ACTN1: variants seen among roughly 807,000 people sequenced by gnomAD.
ACTN1 encodes the protein alpha-actinin-1.
A neutral mutation model predicts 119.6 loss-of-function variants in ACTN1; 30 were observed. That is an observed-to-expected ratio of 0.25 (90% confidence interval 0.19 to 0.34). The LOEUF (loss-of-function observed/expected upper bound fraction) is 0.34. Ranked by LOEUF, ACTN1 falls within the 10% of genes least tolerant of loss-of-function variation. The pLI is 1.00. For missense variants in ACTN1, 764 were observed against 1,223.4 expected, an observed-to-expected ratio of 0.62 and a Z score of 5.60; for synonymous variants, 429 against 472.6, an observed-to-expected ratio of 0.91 and a Z score of 1.20.
chr14:68,889,658 C>T (rs1169118792), intron 11 of ACTN1, among the ~76,000 whole-genome samples: 1 of 152,132 alleles, frequency 6.6e-6, no homozygotes, highest in Non-Finnish European at 1.5e-5. Context: ...GTGGCAGGCA[C>T]CTGTAGTCCC....
At chr14:68,912,405 T>C (rs1594803379) in intron 3 of ACTN1, among the ~76,000 whole-genome samples, 163 bp from the exon 4 acceptor site, 1 of 152,126 alleles carries the variant, frequency 6.6e-6, no homozygotes, top group African/African-American at 2.4e-5. Flanking sequence ...TGAGACAGGG[T>C]TTTCGCTCTG....
At chr14:68,876,940 T>G in intron 21 of ACTN1, 142 bp downstream of exon 21, 1 of 959,696 alleles carries the variant, frequency 1.0e-6, no homozygotes, top group Non-Finnish European at 1.5e-6. Context: ...CAGAAATGAG[T>G]AGAAGTGGCA....
intron 1 of ACTN1, among the ~76,000 whole-genome samples, chr14:68,953,401 A>G (rs999745071): frequency 4.6e-5 from 7 of 152,164 alleles, no homozygotes; most frequent in Non-Finnish European, 1.0e-4. Flanking sequence ...CCTCAGCACT[A>G]ATCAGCGTGC....
At chr14:68,932,974 G>A (rs796525314) in intron 1 of ACTN1, among the ~76,000 whole-genome samples, 33 of 152,090 alleles carry the variant, frequency 2.2e-4, no homozygotes, top group African/African-American at 7.7e-4. Flanking sequence ...TTTGCTACAC[G>A]CCAGATCCTC....
At chr14:68,924,210 T>C (rs1242223217) in intron 2 of ACTN1, among the ~76,000 whole-genome samples, 1 of 152,188 alleles carries the variant, frequency 6.6e-6, no homozygotes, top group East Asian at 1.9e-4. Context: ...TGCACAACAG[T>C]CAGTGCATGC....
intron 1 of ACTN1, among the ~76,000 whole-genome samples, chr14:68,969,423 A>G (rs889982461): frequency 2.6e-5 from 4 of 152,254 alleles, no homozygotes; most frequent in African/African-American, 9.6e-5. Context: ...CAAGTCTGGA[A>G]AAGCACTTTG....
intron 11 of ACTN1, among the ~76,000 whole-genome samples, chr14:68,888,998 G>A (rs936365649): frequency 8.5e-5 from 13 of 152,128 alleles, no homozygotes; most frequent in Non-Finnish European, 1.6e-4. Context: ...TCCAACCTAA[G>A]ATCTGAGGAG....
Position 68,910,449 on chromosome 14 carries a change from T to C in ACTN1, c.428-407A>G, listed in dbSNP as rs140734301. Among the ~76,000 whole-genome samples the C allele has an allele frequency of 9.1e-3, 1,387 of 152,208 alleles. 20 individuals are homozygous for C. Among genetic ancestry groups the C allele is most frequent in the Non-Finnish European group, 0.012 (783 of 68,000 alleles). On this transcript the variant is annotated intron_variant, in intron 4 of 21. Coordinates refer to ENST00000394419, the MANE Select transcript of ACTN1 (RefSeq NM_001130004.2). ...CAGGGGAATCCCACAGCCTGAGGGG[T>C]GCACACAGCTGAGTGAGAAGAAAGC...
chr14:68,899,765 AAGG>A (rs765826132), intron 8 of ACTN1, among the ~76,000 whole-genome samples: 3 of 152,182 alleles, frequency 2.0e-5, no homozygotes, highest in Non-Finnish European at 2.9e-5. Flanking sequence ...CAGACCCCTG[AAGG>A]AGAAGGGGAG....
intron 1 of ACTN1, among the ~76,000 whole-genome samples, chr14:68,960,408 T>G (rs1199289805): frequency 6.6e-6 from 1 of 152,228 alleles, no homozygotes; most frequent in African/African-American, 2.4e-5. Flanking sequence ...TTAATTAACT[T>G]GATTGTGGTA....
intron 4 of ACTN1, among the ~76,000 whole-genome samples, chr14:68,910,539 C>T (rs891951091): frequency 1.4e-4 from 22 of 152,160 alleles, no homozygotes; most frequent in African/African-American, 9.7e-5. Flanking sequence ...ATTTACTGCA[C>T]GGATCAATAC....
rs2032667514 is a variant in ACTN1, at chr14:68,893,649, A to G, written c.855+6T>C. ...AGTCAGGCCAGGTGAACCCGGGGGT[A>G]CCCACATCACTGGCCAGCTTCTCGT... is the stretch of plus-strand genomic sequence containing the variant. On this transcript the variant is annotated splice_donor_region_variant and intron_variant, in intron 9 of 21. Coordinates refer to ENST00000394419, the MANE Select transcript of ACTN1 (RefSeq NM_001130004.2). 1 of 1,613,712 alleles carries G rather than the reference A, an allele frequency of 6.2e-7. No homozygotes were observed.
chr14:68,902,431 A>C, intron 8 of ACTN1, 46 bp downstream of exon 8: 1 of 1,527,160 alleles, frequency 6.5e-7, no homozygotes, highest in Non-Finnish European at 9.1e-7. Flanking sequence ...TTTGGGGTCC[A>C]GCAGGAGGTG....
intron 1 of ACTN1, among the ~76,000 whole-genome samples, chr14:68,958,193 T>G (rs977295344): frequency 1.7e-4 from 26 of 152,206 alleles, no homozygotes; most frequent in African/African-American, 6.0e-4. Flanking sequence ...TTTCTATGAT[T>G]AACAGATTAA....
intron 1 of ACTN1, among the ~76,000 whole-genome samples, chr14:68,926,223 A>G (rs2034918245): frequency 6.6e-6 from 1 of 152,256 alleles, no homozygotes; most frequent in South Asian, 2.1e-4. Context: ...AAGCACCCCA[A>G]TGTGTATCTG....
At chr14:68,923,300 AG>A (rs1373421149) in intron 2 of ACTN1, among the ~76,000 whole-genome samples, 3 of 152,064 alleles carry the variant, frequency 2.0e-5, no homozygotes, top group Non-Finnish European at 4.4e-5. Context: ...GACACAGCAG[AG>A]GAATTAATGG....
intron 14 of ACTN1, 100 bp downstream of exon 14, chr14:68,884,068 G>T: frequency 8.0e-7 from 1 of 1,255,702 alleles, no homozygotes; most frequent in South Asian, 1.7e-5. Flanking sequence ...AAATCCTTAG[G>T]ATGCTCTTCC....
At chr14:68,934,742 T>A (rs1337432871) in intron 1 of ACTN1, among the ~76,000 whole-genome samples, 4 of 152,234 alleles carry the variant, frequency 2.6e-5, no homozygotes, top group Admixed American at 1.3e-4. Flanking sequence ...TATATTAGGC[T>A]TCATCATCCA....
rs2034494771 is a variant in ACTN1 at position 68,918,995 on chromosome 14, CAGG to C, written c.340+2008_340+2010del. ...TCCTACGAGCCCATCATGAGTGTAG[CAGG>C]AGATGGCCCACGTAAAGCACCCTGT... is the stretch of plus-strand genomic sequence containing the variant. On this transcript the variant is annotated intron_variant, in intron 3 of 21. Coordinates refer to ENST00000394419, the MANE Select transcript of ACTN1 (RefSeq NM_001130004.2). 4.6e-5 allele frequency among the ~76,000 whole-genome samples: 7 copies of C among 152,314 alleles called. No individual in the cohort carries two copies. The South Asian group carries it at 1.2e-3, about 27-fold the overall frequency.
Sources: allele counts gnomAD v4.1 joint callset (sites outside exome capture counted in the v4.1 genomes callset), GRCh38; gene constraint gnomAD v4.1.1; transcripts MANE v1.5; gene names NCBI Gene and HGNC (gene_info 2026-07-23, HGNC 2026-07-21).